ADAM10: variants seen among roughly 807,000 people sequenced by gnomAD.
ADAM10 encodes ADAM metallopeptidase domain 10.
ADAM10 carries 17 observed loss-of-function variants against 90.1 expected under a neutral mutation model. The observed-to-expected ratio is 0.19, with a 90% CI of 0.13 to 0.28. ADAM10 has a LOEUF of 0.28. Among genes scored for constraint, ADAM10 ranks in the 10% least tolerant of loss-of-function variants. The pLI is 1.00. For missense variants in ADAM10, 610 were observed against 914.3 expected (o/e 0.67, Z 4.29); for synonymous variants, 310 against 298.6 (o/e 1.04, Z -0.40).
intron 2 of ADAM10, among the ~76,000 whole-genome samples, chr15:58,699,899 A>G (rs1253494705): frequency 2.0e-5 from 3 of 152,258 alleles, no homozygotes; most frequent in Non-Finnish European, 4.4e-5. Context: ...CACTTAAAAG[A>G]TAAAGATTGG....
intron 15 of ADAM10, among the ~76,000 whole-genome samples, chr15:58,598,821 C>CGG (rs2140985999): frequency 6.6e-6 from 1 of 152,326 alleles, no homozygotes; most frequent in Admixed American, 6.5e-5. Flanking sequence ...GGTTCTTCCT[C>CGG]ATGCTATGTC....
At chr15:58,684,807 A>G (rs1040179921) in intron 2 of ADAM10, among the ~76,000 whole-genome samples, 23 of 152,200 alleles carry the variant, frequency 1.5e-4, no homozygotes, top group African/African-American at 5.5e-4. Context: ...GGACTTACAA[A>G]TGGTGTCTGA....
At chr15:58,708,709 C>T (rs1898380381) in intron 2 of ADAM10, among the ~76,000 whole-genome samples, 1 of 152,106 alleles carries the variant, frequency 6.6e-6, no homozygotes, top group African/African-American at 2.4e-5. Flanking sequence ...CTGTCCCACA[C>T]CATGATAACT....
chr15:58,746,690 C>T (rs149907127), intron 1 of ADAM10, among the ~76,000 whole-genome samples: 2 of 152,186 alleles, frequency 1.3e-5, no homozygotes, highest in African/African-American at 4.8e-5. Flanking sequence ...GTAGGTGGGT[C>T]GCTAGGGACG....
At chr15:58,686,441 CA>C (rs1897605354) in intron 2 of ADAM10, 1 of 1,368,500 alleles carries the variant, frequency 7.3e-7, no homozygotes, top group Admixed American at 2.0e-5. Flanking sequence ...GAGCGCCCTG[CA>C]GTGCCTGGTG....
At chr15:58,637,329 C>A (rs922016158) in intron 8 of ADAM10, among the ~76,000 whole-genome samples, 1 of 152,044 alleles carries the variant, frequency 6.6e-6, no homozygotes, top group Non-Finnish European at 1.5e-5. Context: ...ACGACCAAGC[C>A]GAACTGAGAC....
At chr15:58,710,711 A>G (rs1458210948) in intron 2 of ADAM10, among the ~76,000 whole-genome samples, 1 of 152,146 alleles carries the variant, frequency 6.6e-6, no homozygotes, top group Non-Finnish European at 1.5e-5. Flanking sequence ...TTTAACTACC[A>G]TCAGTATTTT....
chr15:58,734,735 A>T (rs1168470236), intron 1 of ADAM10, among the ~76,000 whole-genome samples: 1 of 152,034 alleles, frequency 6.6e-6, no homozygotes, highest in African/African-American at 2.4e-5. Context: ...AAGAAAAAAA[A>T]TTATCAAAAT....
At chr15:58,749,291 C>T (rs1026255732) in intron 1 of ADAM10, among the ~76,000 whole-genome samples, 189 bp downstream of exon 1, 1 of 152,240 alleles carries the variant, frequency 6.6e-6, no homozygotes, top group Middle Eastern at 3.4e-3. Flanking sequence ...CTCCTCGGCC[C>T]GCCACCGAAG....
At chr15:58,698,087 A>G (rs964176211) in intron 2 of ADAM10, among the ~76,000 whole-genome samples, 22 of 152,178 alleles carry the variant, frequency 1.4e-4, no homozygotes, top group Non-Finnish European at 2.9e-5. Flanking sequence ...TATGCGCAAT[A>G]AGGACCCAAG....
At chr15:58,615,521 G>A (rs1895582684) in intron 11 of ADAM10, among the ~76,000 whole-genome samples, 1 of 152,068 alleles carries the variant, frequency 6.6e-6, no homozygotes, top group Non-Finnish European at 1.5e-5. Flanking sequence ...TCCTGCTCAA[G>A]CAAAACTCCC....
At position 58,590,633 on chromosome 15, in the gene ADAM10, T is replaced by G. The variant is rs748651824; in HGVS notation, c.*6914A>C. Reference sequence around the variant, plus strand: ...TAAGAAAAATGAAAACTAACCACAATCACAAAACTAAATAATGAAGAATAT... The same window carrying G: ...TAAGAAAAATGAAAACTAACCACAAGCACAAAACTAAATAATGAAGAATAT... On this transcript the variant is annotated 3_prime_UTR_variant, in exon 16 of 16. Coordinates refer to ENST00000260408, the MANE Select transcript of ADAM10 (RefSeq NM_001110.4). 6 of 152,040 alleles carry G rather than the reference T, an allele frequency of 3.9e-5. No homozygotes were observed. The highest frequency in any genetic ancestry group is 8.8e-5 in the Non-Finnish European group (6 of 68,014). The allele number at this position is 152,040 out of a possible 1,614,324, so 9.4% of individuals were successfully genotyped here. A position where few individuals can be genotyped will look rare whatever the true frequency, so the allele number is the denominator to read the frequency against.
intron 2 of ADAM10, among the ~76,000 whole-genome samples, chr15:58,709,805 T>C (rs1898415548): frequency 6.6e-6 from 1 of 152,124 alleles, no homozygotes; most frequent in African/African-American, 2.4e-5. Flanking sequence ...CTGTTTTAGA[T>C]TACCTTTTAG....
intron 5 of ADAM10, among the ~76,000 whole-genome samples, chr15:58,653,531 C>A (rs1320416586): frequency 6.6e-6 from 1 of 152,128 alleles, no homozygotes; most frequent in South Asian, 2.1e-4. Context: ...GATTTGCATA[C>A]GTTGAACCAT....
intron 2 of ADAM10, among the ~76,000 whole-genome samples, chr15:58,693,843 A>G (rs1254792958): frequency 7.9e-5 from 12 of 152,138 alleles, no homozygotes; most frequent in African/African-American, 2.9e-4. Context: ...TATATTCGGA[A>G]TATCTTTTTA....
intron 1 of ADAM10, among the ~76,000 whole-genome samples, chr15:58,731,907 T>C (rs1899258693): frequency 6.6e-6 from 1 of 152,080 alleles, no homozygotes; most frequent in African/African-American, 2.4e-5. Flanking sequence ...ACCACACACA[T>C]GTGAGTCATG....
At chr15:58,638,164 G>T (rs969393508) in intron 8 of ADAM10, among the ~76,000 whole-genome samples, 2 of 152,018 alleles carry the variant, frequency 1.3e-5, no homozygotes, top group Non-Finnish European at 2.9e-5. Flanking sequence ...TGAAGTTGGG[G>T]GTTTAACATA....
At chr15:58,730,428 A>C (rs574287698) in intron 1 of ADAM10, among the ~76,000 whole-genome samples, 3 of 152,356 alleles carry the variant, frequency 2.0e-5, no homozygotes, top group Non-Finnish European at 4.4e-5. Context: ...GAATAAGCGA[A>C]GTATTACAAA....
chr15:58,748,858 G>C (rs1899878863), intron 1 of ADAM10: 1 of 398,772 alleles, frequency 2.5e-6, no homozygotes, highest in African/African-American at 2.1e-5. Context: ...TCTCAGATAA[G>C]CGGGTGATGA....
Sources: gnomAD v4.1 joint callset for allele counts (sites outside exome capture counted in the v4.1 genomes callset) on GRCh38, gnomAD v4.1.1 for gene constraint, MANE v1.5 for transcripts, NCBI Gene and HGNC (gene_info 2026-07-23, HGNC 2026-07-21) for gene names.